The following MEF2C variants were observed in gnomAD, a reference collection of about 807,000 sequenced individuals.
The protein encoded by MEF2C is myocyte enhancer factor 2C.
MEF2C carries 6 observed loss-of-function variants against 50.5 expected under a neutral mutation model. The ratio of observed to expected loss-of-function variants is 0.12; its 90% CI spans 0.07 to 0.23. The LOEUF (loss-of-function observed/expected upper bound fraction) is 0.23. Ranked by LOEUF, MEF2C falls within the 10% of genes least tolerant of loss-of-function variation. MEF2C has a pLI of 1.00. For synonymous variants in MEF2C, 183 were observed against 228.0 expected (o/e 0.80, Z 1.78); for missense variants, 276 against 605.0 (o/e 0.46, Z 5.70).
intron 6 of MEF2C, chr5:88,748,213 C>CA: frequency 1.0e-6 from 1 of 982,190 alleles, no homozygotes; most frequent in Non-Finnish European, 1.2e-6. Context: ...TTGACCCTGG[C>CA]AAAATATTTT....
intron 5 of MEF2C, chr5:88,750,072 C>T: frequency 1.6e-6 from 1 of 630,344 alleles, no homozygotes; most frequent in Non-Finnish European, 2.0e-6. Context: ...AAACAACATT[C>T]AGCCAAAAGA....
chr5:88,857,448 G>A (rs572397409), intron 1 of MEF2C, among the ~76,000 whole-genome samples: 2 of 152,138 alleles, frequency 1.3e-5, no homozygotes, highest in Non-Finnish European at 2.9e-5. Flanking sequence ...GACTTTGGGG[G>A]ACTGTTGGAA....
At chr5:88,857,050 A>T (rs1167069124) in intron 1 of MEF2C, among the ~76,000 whole-genome samples, 1 of 152,190 alleles carries the variant, frequency 6.6e-6, no homozygotes, top group East Asian at 1.9e-4. Flanking sequence ...AGCAGCCAGG[A>T]TTGGGGGGCT....
At chr5:88,898,523 C>T (rs146311496) in intron 1 of MEF2C, among the ~76,000 whole-genome samples, 1 of 152,232 alleles carries the variant, frequency 6.6e-6, no homozygotes, top group East Asian at 1.9e-4. Context: ...TGGTCATAGT[C>T]ACTTGAGGAA....
chr5:88,864,810 A>G (rs541161668), intron 1 of MEF2C, among the ~76,000 whole-genome samples: 1 of 148,348 alleles, frequency 6.7e-6, no homozygotes, highest in Non-Finnish European at 1.5e-5. Context: ...TCTGTCGCCT[A>G]GGCCGGAGTG....
intron 3 of MEF2C, among the ~76,000 whole-genome samples, chr5:88,783,599 C>T (rs2152899317): frequency 6.6e-6 from 1 of 152,136 alleles, no homozygotes; most frequent in African/African-American, 2.4e-5. Flanking sequence ...CATTGCACTC[C>T]AGCCTGGGCA....
At chr5:88,885,078 GCTAA>G (rs1561487237), upstream of MEF2C, among the ~76,000 whole-genome samples, 1 of 152,144 alleles carries the variant, frequency 6.6e-6, no homozygotes, top group Non-Finnish European at 1.5e-5. Flanking sequence ...GAAATATCTA[GCTAA>G]CTAAAGATTT....
At chr5:88,822,360 G>C (rs546233032) in intron 2 of MEF2C, among the ~76,000 whole-genome samples, 5 of 152,004 alleles carry the variant, frequency 3.3e-5, no homozygotes, top group Non-Finnish European at 5.9e-5. Context: ...AAAAATAGCG[G>C]TTTTCTATTG....
At chr5:88,739,650 C>T (rs1283946997) in intron 6 of MEF2C, 5 of 985,072 alleles carry the variant, frequency 5.1e-6, no homozygotes, top group Non-Finnish European at 6.0e-6. Flanking sequence ...CAGTCCTAGC[C>T]TGAATGCCTG....
intron 1 of MEF2C, among the ~76,000 whole-genome samples, chr5:88,858,936 A>C (rs1458625662): frequency 6.6e-6 from 1 of 152,222 alleles, no homozygotes; most frequent in Admixed American, 6.5e-5. Context: ...GAGCACTGCA[A>C]ACCATTCTGA....
At chr5:88,813,430 C>G (rs1581111822) in intron 2 of MEF2C, among the ~76,000 whole-genome samples, 1 of 152,104 alleles carries the variant, frequency 6.6e-6, no homozygotes, top group East Asian at 1.9e-4. Context: ...TAATCTTTCT[C>G]CACTCCACAC....
At chr5:88,831,645 A>ACTTTG (rs1813083414) in intron 1 of MEF2C, among the ~76,000 whole-genome samples, 2 of 152,088 alleles carry the variant, frequency 1.3e-5, no homozygotes, top group African/African-American at 2.4e-5. Context: ...TAGAAGGTTT[A>ACTTTG]CACAGAAACT....
intron 1 of MEF2C, among the ~76,000 whole-genome samples, chr5:88,860,926 T>G (rs1300123623): frequency 2.6e-5 from 4 of 152,222 alleles, no homozygotes; most frequent in African/African-American, 4.8e-5. Flanking sequence ...CGCCTACATC[T>G]TGACCCCTCA....
chr5:88,839,345 C>CTATATATA (rs1389488707), intron 1 of MEF2C: 1 of 141,094 alleles, frequency 7.1e-6, no homozygotes, highest in African/African-American at 2.8e-5. Context: ...CTCTCTCTCT[C>CTATATATA]TCTCTCTCTA....
chr5:88,819,047 T>G (rs1413522433), intron 2 of MEF2C, among the ~76,000 whole-genome samples: 1 of 151,918 alleles, frequency 6.6e-6, no homozygotes, highest in Admixed American at 6.6e-5. Context: ...TCATCCTCAC[T>G]CTAGTGATGA....
intron 3 of MEF2C, among the ~76,000 whole-genome samples, chr5:88,797,453 G>GT (rs1796454241): frequency 2.4e-5 from 1 of 40,972 alleles, no homozygotes; most frequent in Non-Finnish European, 5.0e-5. Flanking sequence ...TGCAACCCTT[G>GT]CCTTTTTTTT....
At chr5:88,852,821 A>C (rs2362110) in intron 1 of MEF2C, among the ~76,000 whole-genome samples, 63,322 of 152,116 alleles carry the variant, frequency 0.42, 13,799 homozygotes, top group East Asian at 0.48. Context: ...AGGCTGAGGC[A>C]GGAGAATCAC....
At chr5:88,903,209 T>C (rs980930766) in intron 1 of MEF2C, among the ~76,000 whole-genome samples, 11 of 151,960 alleles carry the variant, frequency 7.2e-5, no homozygotes, top group African/African-American at 2.6e-4. Flanking sequence ...TGGAAATCAG[T>C]GATGTAAAAA....
chr5:88,791,095 C>T (rs1024200739), intron 3 of MEF2C, among the ~76,000 whole-genome samples: 4 of 152,094 alleles, frequency 2.6e-5, no homozygotes, highest in African/African-American at 7.2e-5. Context: ...GATTCTTATT[C>T]GGCACCTTTT....
Sources: allele counts gnomAD v4.1 joint callset (sites outside exome capture counted in the v4.1 genomes callset), GRCh38; gene constraint gnomAD v4.1.1; transcripts MANE v1.5; gene names NCBI Gene and HGNC (gene_info 2026-07-23, HGNC 2026-07-21).